LRRC37A2: variants seen among roughly 807,000 people sequenced by gnomAD.
LRRC37A2 encodes leucine rich repeat containing 37 member A2, also known as leucine-rich repeat-containing protein 37A2.
In LRRC37A2, 9 loss-of-function variants were observed where a neutral mutation model predicts 68.8. The ratio of observed to expected loss-of-function variants is 0.13; its 90% CI spans 0.08 to 0.23. LRRC37A2 has a LOEUF of 0.23. Ranked by LOEUF, LRRC37A2 falls within the 10% of genes least tolerant of loss-of-function variation. The pLI is 1.00. For synonymous variants in LRRC37A2, 63 were observed against 367.6 expected, an observed-to-expected ratio of 0.17 and a Z score of 9.48; for missense variants, 168 against 950.4, an observed-to-expected ratio of 0.18 and a Z score of 10.82.
At chr17:46,902,773 T>C in the LRRC37A2 span, among the ~76,000 whole-genome samples, 4 of 152,258 alleles carry the variant, frequency 2.6e-5, no homozygotes, top group East Asian at 7.7e-4. Context: ...TTCTTCCTGA[T>C]AGAGAGAGCC....
At chr17:47,018,392 T>C in the LRRC37A2 span, 3 of 1,604,778 alleles carry the variant, frequency 1.9e-6, no homozygotes, top group South Asian at 3.3e-5. Context: ...CAGGTCACCA[T>C]CAAACTCATC....
the LRRC37A2 span, among the ~76,000 whole-genome samples, chr17:46,502,021 G>C: frequency 7.3e-5 from 11 of 151,252 alleles, no homozygotes; most frequent in Non-Finnish European, 1.5e-4. Flanking sequence ...ATTTCACATA[G>C]CCACTCAAAT....
the LRRC37A2 span, among the ~76,000 whole-genome samples, chr17:47,031,218 A>C: frequency 6.7e-6 from 1 of 148,794 alleles, no homozygotes; most frequent in Non-Finnish European, 1.5e-5. Flanking sequence ...TTATTCGTGG[A>C]CTTAACTGGA....
chr17:46,914,518 G>T, the LRRC37A2 span, among the ~76,000 whole-genome samples: 3 of 151,778 alleles, frequency 2.0e-5, no homozygotes, highest in African/African-American at 7.3e-5. Context: ...AGGCGTAGTG[G>T]TGCATGCCTG....
At chr17:46,824,780 C>T in the LRRC37A2 span, among the ~76,000 whole-genome samples, 1 of 152,226 alleles carries the variant, frequency 6.6e-6, no homozygotes, top group Non-Finnish European at 1.5e-5. Context: ...CAGGTCTGGG[C>T]TCCCTGTGGC....
chr17:46,844,938 C>T, the LRRC37A2 span, among the ~76,000 whole-genome samples: 1 of 152,090 alleles, frequency 6.6e-6, no homozygotes, highest in Non-Finnish European at 1.5e-5. Flanking sequence ...ACCTCCGCCT[C>T]CCAGCTGCAA....
the LRRC37A2 span, among the ~76,000 whole-genome samples, chr17:46,995,003 G>A: frequency 1.3e-5 from 2 of 152,154 alleles, no homozygotes. Context: ...TGCACCTGTA[G>A]TCCCAGCTAC....
chr17:46,687,118 AT>A, the LRRC37A2 span, among the ~76,000 whole-genome samples: 1 of 41,780 alleles, frequency 2.4e-5, no homozygotes, highest in African/African-American at 1.0e-4. Flanking sequence ...CATCTTTGTC[AT>A]TTTTTTATTC....
chr17:46,458,763 G>A, the LRRC37A2 span, among the ~76,000 whole-genome samples: 1 of 109,000 alleles, frequency 9.2e-6, no homozygotes, highest in Admixed American at 9.0e-5. Flanking sequence ...CTGGTCTCGA[G>A]CTCCCAACCT....
At chr17:46,722,794 A>T in the LRRC37A2 span, among the ~76,000 whole-genome samples, 10 of 152,310 alleles carry the variant, frequency 6.6e-5, no homozygotes, top group South Asian at 8.3e-4. Context: ...AAATTAGAGC[A>T]GAGTAGCTAC....
chr17:46,534,682 T>C lies in LRRC37A2; in HGVS notation c.2907-5494T>C, dbSNP rs1348665626. Among the ~76,000 whole-genome samples the C allele has an allele frequency of 1.3e-5, 2 of 149,888 alleles. 1 individual carries two copies. Among genetic ancestry groups the C allele is most frequent in the African/African-American group, 5.1e-5 (2 of 39,600 alleles). ...CTATTCAACAAAACCACCATCGTCATCATGGCCCGTTCTCAATGAGCTGTT... is the reference window on the plus strand; with the variant it reads ...CTATTCAACAAAACCACCATCGTCACCATGGCCCGTTCTCAATGAGCTGTT... On this transcript the variant is annotated intron_variant, in intron 6 of 14. Coordinates refer to ENST00000576629, the Ensembl canonical transcript of LRRC37A2.
At chr17:46,875,073 T>A in the LRRC37A2 span, 1 of 1,613,158 alleles carries the variant, frequency 6.2e-7, no homozygotes, top group Non-Finnish European at 8.5e-7. Flanking sequence ...CTTTCCTCCC[T>A]CCCTATGCCC....
chr17:46,569,463 G>T, the LRRC37A2 span, among the ~76,000 whole-genome samples: 1 of 148,656 alleles, frequency 6.7e-6, no homozygotes, highest in Non-Finnish European at 1.5e-5. Context: ...TTGGTGATGG[G>T]TACATGGGGG....
chr17:46,768,178 A>G, the LRRC37A2 span: 2 of 1,310,218 alleles, frequency 1.5e-6, no homozygotes, highest in Admixed American at 2.1e-5. The surrounding 1 kb of genome is among the most constrained non-coding windows in gnomAD (Gnocchi z 5.0). Flanking sequence ...CTAGCTTCCT[A>G]TTTTGGCTGT....
At chr17:46,588,692 CA>C in the LRRC37A2 span, among the ~76,000 whole-genome samples, 74 of 30,192 alleles carry the variant, frequency 2.5e-3, no homozygotes, top group South Asian at 0.015. Flanking sequence ...GTCAAGGTGT[CA>C]AAAAAAAAAA....
At chr17:46,983,590 G>A in the LRRC37A2 span, among the ~76,000 whole-genome samples, 5 of 152,228 alleles carry the variant, frequency 3.3e-5, no homozygotes, top group East Asian at 3.9e-4. Context: ...CACTGCACCC[G>A]GCCCTGTCTG....
At chr17:46,987,113 C>G in the LRRC37A2 span, among the ~76,000 whole-genome samples, 1 of 152,130 alleles carries the variant, frequency 6.6e-6, no homozygotes, top group Non-Finnish European at 1.5e-5. Flanking sequence ...CGTGGTGGTG[C>G]ATGCCTATAA....
the LRRC37A2 span, among the ~76,000 whole-genome samples, chr17:46,881,697 G>A: frequency 1.3e-5 from 2 of 152,180 alleles, no homozygotes; most frequent in Middle Eastern, 6.8e-3. Context: ...CAGGAGGACC[G>A]GGGCTTGTTG....
the LRRC37A2 span, among the ~76,000 whole-genome samples, chr17:46,718,530 T>C: frequency 2.6e-5 from 4 of 152,180 alleles, no homozygotes; most frequent in East Asian, 1.9e-4. Context: ...TAACTAAAAA[T>C]TTAAAATTTA....
Sources: allele counts gnomAD v4.1 joint callset (sites outside exome capture counted in the v4.1 genomes callset), GRCh38; gene constraint gnomAD v4.1.1; non-coding constraint Gnocchi (gnomAD v3.1); transcripts MANE v1.5; gene names NCBI Gene and HGNC (gene_info 2026-07-23, HGNC 2026-07-21).